ERBIN: variants seen among roughly 807,000 people sequenced by gnomAD.
ERBIN encodes the protein erbb2 interacting protein.
Under a neutral mutation model 158.4 loss-of-function variants are expected in ERBIN, and 60 were observed. The ratio of observed to expected loss-of-function variants is 0.38; its 90% CI spans 0.31 to 0.47. The LOEUF (loss-of-function observed/expected upper bound fraction) is 0.47. Ranked by LOEUF, ERBIN falls within the 20% of genes least tolerant of loss-of-function variation. The probability of loss-of-function intolerance (pLI) is 0.99; values close to 1 mark genes in which losing one functional copy is unlikely to be tolerated. For missense variants in ERBIN, 1,610 were observed against 1,648.0 expected (o/e 0.98, Z 0.40); for synonymous variants, 594 against 557.2 (o/e 1.07, Z -0.93).
chr5:66,004,313 TAGAAA>T (rs1359951144), intron 4 of ERBIN, among the ~76,000 whole-genome samples: 1 of 152,042 alleles, frequency 6.6e-6, no homozygotes, highest in African/African-American at 2.4e-5. Context: ...TCGTGATAAT[TAGAAA>T]AGAACAGATA....
At chr5:66,055,114 T>C (rs1759460672) in intron 21 of ERBIN, 163 bp downstream of exon 21, 1 of 1,396,320 alleles carries the variant, frequency 7.2e-7, no homozygotes, top group African/African-American at 1.4e-5. Flanking sequence ...GCCAGGACAA[T>C]TGGGATGATA....
chr5:66,043,890 C>G (rs1053016100), intron 16 of ERBIN, among the ~76,000 whole-genome samples: 1 of 152,100 alleles, frequency 6.6e-6, no homozygotes, highest in Non-Finnish European at 1.5e-5. Flanking sequence ...TACTATATAT[C>G]TCTAAATGGA....
At chr5:66,027,344 G>A (rs152995) in intron 13 of ERBIN, among the ~76,000 whole-genome samples, 126,486 of 151,950 alleles carry the variant, frequency 0.83, 53,217 homozygotes, top group African/African-American at 0.88. Flanking sequence ...GGCCCACAGT[G>A]GGTTGCTGAA....
At chr5:66,063,038 G>T (rs1012951040) in intron 21 of ERBIN, among the ~76,000 whole-genome samples, 35 of 152,212 alleles carry the variant, frequency 2.3e-4, no homozygotes, top group African/African-American at 8.4e-4. Context: ...CAAGCTGCGT[G>T]CTGGGAGAAC....
rs1762319353 is a variant in ERBIN at position 66,080,117 on chromosome 5, T to G, written c.*1587T>G. 1 of 152,490 alleles carries G rather than the reference T, an allele frequency of 6.6e-6. No individual in the cohort carries two copies. The highest frequency in any genetic ancestry group is 1.5e-5 in the Non-Finnish European group (1 of 68,010). 9.4% of individuals were successfully genotyped at this position (152,490 alleles called of 1,614,324 possible). A position where few individuals can be genotyped will look rare whatever the true frequency, so the allele number is the denominator to read the frequency against. On this transcript the variant is annotated 3_prime_UTR_variant, in exon 26 of 26. Transcript: ENST00000284037. The stretch of plus-strand genomic sequence containing the variant: ...TTGGGAATTTTTAATCTGTTATGCT[T>G]TGTTTATCAACCTTGATTTTAATTA...
At chr5:66,055,069 C>A (rs748256912) in intron 21 of ERBIN, 118 bp downstream of exon 21, 5 of 1,424,844 alleles carry the variant, frequency 3.5e-6, no homozygotes, top group Non-Finnish European at 4.6e-6. Flanking sequence ...GTGTTTTTCT[C>A]TGGTACTGGG....
intron 1 of ERBIN, among the ~76,000 whole-genome samples, chr5:65,965,893 T>C (rs887564536): frequency 6.6e-6 from 1 of 152,254 alleles, no homozygotes; most frequent in Non-Finnish European, 1.5e-5. Context: ...ATATATTTAG[T>C]CATGCCTGTA....
chr5:66,074,578 C>T (rs935927097), intron 22 of ERBIN, among the ~76,000 whole-genome samples: 33 of 152,176 alleles, frequency 2.2e-4, no homozygotes, highest in Admixed American at 9.2e-4. Context: ...TGAAGAAAAA[C>T]GTCAGCAAAT....
At chr5:65,976,520 C>CT (rs778638629) in intron 1 of ERBIN, among the ~76,000 whole-genome samples, 2,054 of 137,986 alleles carry the variant, frequency 0.015, 37 homozygotes, top group African/African-American at 0.04. Flanking sequence ...TTTCTTTTTT[C>CT]TTTTTTTTTT....
chr5:66,071,369 AAAAG>A (rs376516733), intron 21 of ERBIN, among the ~76,000 whole-genome samples: 9,064 of 151,968 alleles, frequency 0.06, 940 homozygotes, highest in African/African-American at 0.21. Context: ...ACTCTCTCCA[AAAAG>A]AAAGAAAGAA....
At chr5:66,023,211 C>T in intron 8 of ERBIN, 79 bp from the exon 9 acceptor site, 1 of 1,003,822 alleles carries the variant, frequency 1.0e-6, no homozygotes, top group South Asian at 1.4e-5. Context: ...ATTAGAAATT[C>T]CCAGGGCTTC....
rs200641332 is a variant in ERBIN, at chr5:66,029,591, TG to T, written c.1206+1249del. Among the ~76,000 whole-genome samples, 85 of 151,272 alleles carry T rather than the reference TG, an allele frequency of 5.6e-4. 1 individual carries two copies. The East Asian group carries it at 0.016, about 29-fold the overall frequency. On this transcript the variant is annotated intron_variant, in intron 14 of 25. Transcript: ENST00000284037. Reference sequence around the variant, plus strand: ...TGTTCTGTCCTGTCCTGTCCTGTCCTGTCCTGTCTTGTCCTGTCCTTTTCTT... The same window carrying T: ...TGTTCTGTCCTGTCCTGTCCTGTCCTTCCTGTCTTGTCCTGTCCTTTTCTT...
intron 1 of ERBIN, among the ~76,000 whole-genome samples, chr5:65,939,150 A>T (rs1292326777): frequency 6.6e-6 from 1 of 152,164 alleles, no homozygotes; most frequent in South Asian, 2.1e-4. Flanking sequence ...CAATAAAAAA[A>T]TACAATAGCC....
chr5:65,993,573 C>T (rs894197366), intron 3 of ERBIN, among the ~76,000 whole-genome samples: 1 of 151,872 alleles, frequency 6.6e-6, no homozygotes, highest in African/African-American at 2.4e-5. Context: ...TTATCCTATA[C>T]CAGTTAAATT....
At chr5:65,972,616 A>G (rs1398050717) in intron 1 of ERBIN, among the ~76,000 whole-genome samples, 1 of 151,256 alleles carries the variant, frequency 6.6e-6, no homozygotes, top group Non-Finnish European at 1.5e-5. Context: ...CATATCTGTT[A>G]TACTATTTCA....
chr5:66,053,767 G>A lies in ERBIN; in HGVS notation c.2449G>A (p.Glu817Lys), dbSNP rs1759293754. 6.2e-7 allele frequency: 1 copy of A among 1,613,608 alleles called. No individual in the cohort carries two copies. Residue 817 changes from glutamate to lysine, a missense_variant, in exon 21 of 26, where the codon GAA becomes AAA. By Grantham distance (56) the Glu-to-Lys change is moderately conservative. This residue lies in a region of ERBIN where 1,014 missense variants were observed against 936.1 expected (regional missense o/e 1.08). Coordinates refer to ENST00000284037, the MANE Select transcript of ERBIN (RefSeq NM_001253697.2). Reference protein sequence around the residue: ...LENGNKYPNLESVNKVNGHSE... With the variant: ...LENGNKYPNLKSVNKVNGHSE... ...AAATGGAAACAAGTATCCTAATTTG[G>A]AATCCGTAAATAAGGTAAATGGACA...
Position 65,992,921 on chromosome 5 carries a change from T to A in ERBIN, c.189+14T>A. ...GAGCTTCCAAAGGTATGCTAATACT[T>A]TCTTTCAAGAATTATCTTTGGTTAT... is the stretch of plus-strand genomic sequence containing the variant. On this transcript the variant is annotated intron_variant, in intron 3 of 25. Transcript: ENST00000284037. 1 of 1,518,508 alleles carries A rather than the reference T, an allele frequency of 6.6e-7. No homozygotes were observed. Among genetic ancestry groups the A allele is most frequent in the Non-Finnish European group, 8.9e-7 (1 of 1,129,598 alleles). 94.1% of individuals were successfully genotyped at this position (1,518,508 alleles called of 1,614,324 possible). A position where few individuals can be genotyped will look rare whatever the true frequency, so the allele number is the denominator to read the frequency against.
chr5:66,064,125 A>G (rs953146799), intron 21 of ERBIN, among the ~76,000 whole-genome samples: 1 of 152,208 alleles, frequency 6.6e-6, no homozygotes, highest in Non-Finnish European at 1.5e-5. Context: ...TGGTAATGAT[A>G]AATGCAATAG....
intron 1 of ERBIN, among the ~76,000 whole-genome samples, chr5:65,972,084 C>A (rs976697570): frequency 3.9e-5 from 6 of 151,960 alleles, no homozygotes; most frequent in Admixed American, 3.3e-4. Context: ...AAGGAGGAGT[C>A]ATTGTGAATT....
Sources: gnomAD v4.1 joint callset for allele counts (sites outside exome capture counted in the v4.1 genomes callset) on GRCh38, gnomAD v4.1.1 for gene constraint, gnomAD v4.1.1 regional missense constraint, MANE v1.5 for transcripts, NCBI Gene and HGNC (gene_info 2026-07-23, HGNC 2026-07-21) for gene names.